Variants in OPCML observed in about 807,000 individuals in gnomAD.
The protein encoded by OPCML is opioid binding protein/cell adhesion molecule like, also known as opioid-binding protein/cell adhesion molecule.
OPCML carries 13 observed loss-of-function variants against 37.8 expected under a neutral mutation model. The ratio of observed to expected loss-of-function variants is 0.34; its 90% CI spans 0.22 to 0.55. The LOEUF is 0.55. Ranked by LOEUF, OPCML falls within the 20% of genes least tolerant of loss-of-function variation. The pLI, the probability that OPCML is intolerant of heterozygous loss-of-function variation, is 0.91. For synonymous variants in OPCML, 176 were observed against 168.8 expected (o/e 1.04, Z -0.33); for missense variants, 341 against 435.6 (o/e 0.78, Z 1.93).
intron 2 of OPCML, among the ~76,000 whole-genome samples, chr11:132,795,540 C>A (rs1057492456): frequency 3.9e-5 from 6 of 152,212 alleles, no homozygotes; most frequent in African/African-American, 1.4e-4. Context: ...TATCATTTAA[C>A]TCCCCATTTG....
chr11:132,420,032 A>C lies in OPCML; in HGVS notation c.*161T>G. 3.5e-6 allele frequency: 1 copy of C among 285,312 alleles called. No homozygotes were observed. Among genetic ancestry groups the C allele is most frequent in the Non-Finnish European group, 7.0e-6 (1 of 143,492 alleles). 17.7% of individuals were successfully genotyped at this position (285,312 alleles called of 1,614,324 possible). A position where few individuals can be genotyped will look rare whatever the true frequency, so the allele number is the denominator to read the frequency against. On this transcript the variant is annotated 3_prime_UTR_variant, in exon 8 of 8. Transcript: ENST00000524381. ...CCCCAACCCCACTCATTCAAGCTGG[A>C]AATAAAAGCAAACAAACAAATAAAC...
At chr11:132,982,688 A>G (rs1210337044) in intron 1 of OPCML, among the ~76,000 whole-genome samples, 1 of 152,170 alleles carries the variant, frequency 6.6e-6, no homozygotes, top group African/African-American at 2.4e-5. Flanking sequence ...TCATCTCTAA[A>G]ACCGTGTTCA....
At chr11:132,469,759 AGT>A (rs1170435363) in intron 4 of OPCML, among the ~76,000 whole-genome samples, 3 of 56,070 alleles carry the variant, frequency 5.4e-5, no homozygotes, top group African/African-American at 7.6e-5. Context: ...GAGGGGTGTG[AGT>A]GTGTGTGTAT....
chr11:133,481,224 G>A (rs538196196), intron 1 of OPCML, among the ~76,000 whole-genome samples: 32 of 152,184 alleles, frequency 2.1e-4, no homozygotes, highest in African/African-American at 7.0e-4. Context: ...AAAAGTACAC[G>A]AGGCTGCCTC....
intron 2 of OPCML, among the ~76,000 whole-genome samples, chr11:132,931,881 C>T (rs1945215298): frequency 6.6e-6 from 1 of 152,134 alleles, no homozygotes; most frequent in Admixed American, 6.5e-5. Context: ...AAGCATCAAT[C>T]AAAGGATGAA....
intron 1 of OPCML, among the ~76,000 whole-genome samples, chr11:133,247,589 G>GTCTTTCTT (rs1267279445): frequency 4.3e-5 from 1 of 23,340 alleles, no homozygotes; most frequent in African/African-American, 2.2e-4. Flanking sequence ...TCTTTCATCT[G>GTCTTTCTT]TCTTTCTTTC....
chr11:132,437,031 A>G (rs2096015445), intron 5 of OPCML, 191 bp downstream of exon 5: 1 of 852,476 alleles, frequency 1.2e-6, no homozygotes, highest in Admixed American at 6.2e-5. Flanking sequence ...TTTGCTGAAA[A>G]CTCTGGCAGT....
chr11:132,537,124 A>C lies in OPCML; in HGVS notation c.380-7938T>G, dbSNP rs142614704. ...ACACCACCAGCAGCAACAACAAAAT[A>C]GTTCATGTTTATTTCTTGAAGCCTA... On this transcript the variant is annotated intron_variant, in intron 3 of 7. Transcript: ENST00000524381. 2.0e-3 allele frequency among the ~76,000 whole-genome samples: 301 copies of C among 152,348 alleles called. 2 individuals are homozygous for C. Among genetic ancestry groups the C allele is most frequent in the African/African-American group, 6.8e-3 (283 of 41,584 alleles).
chr11:133,515,405 C>T lies in OPCML; in HGVS notation c.61+16859G>A, dbSNP rs114225234. On this transcript the variant is annotated intron_variant, in intron 1 of 7. Transcript: ENST00000524381. Reference sequence around the variant, plus strand: ...AAAAGGTGCCACTGGCATCTGGTGGCTGGAGGCCAGGGATGTTGCTAAACA... The same window carrying T: ...AAAAGGTGCCACTGGCATCTGGTGGTTGGAGGCCAGGGATGTTGCTAAACA... Among the ~76,000 whole-genome samples the T allele has an allele frequency of 2.5e-3, 383 of 152,302 alleles. 3 individuals are homozygous for T. Among genetic ancestry groups the T allele is most frequent in the African/African-American group, 9.0e-3 (372 of 41,560 alleles).
intron 2 of OPCML, among the ~76,000 whole-genome samples, chr11:132,681,560 ACATCGG>A (rs913539788): frequency 2.0e-5 from 3 of 152,030 alleles, no homozygotes; most frequent in Non-Finnish European, 2.9e-5. Context: ...AGCCTCTTTC[ACATCGG>A]CAATAAAATC....
intron 3 of OPCML, among the ~76,000 whole-genome samples, chr11:132,630,985 T>C (rs983034728): frequency 6.6e-6 from 1 of 151,712 alleles, no homozygotes; most frequent in Non-Finnish European, 1.5e-5. Flanking sequence ...AGAAGAAAAA[T>C]TCAGAAGCAT....
chr11:132,828,508 ACTCT>A (rs1940497915), intron 2 of OPCML, among the ~76,000 whole-genome samples: 1 of 151,724 alleles, frequency 6.6e-6, no homozygotes, highest in South Asian at 2.1e-4. Context: ...ATAAGTAAGA[ACTCT>A]CTCTATTTTC....
intron 2 of OPCML, among the ~76,000 whole-genome samples, chr11:132,681,797 T>C (rs1942955386): frequency 6.6e-6 from 1 of 151,650 alleles, no homozygotes; most frequent in South Asian, 2.1e-4. Context: ...CTACTAAAAA[T>C]ACAAAAAAAT....
At chr11:133,479,391 T>G (rs1013292782) in intron 1 of OPCML, among the ~76,000 whole-genome samples, 5 of 152,150 alleles carry the variant, frequency 3.3e-5, no homozygotes, top group South Asian at 2.1e-4. Context: ...ATTCTTGGGG[T>G]GGGCTCAGCC....
At chr11:132,778,233 CT>C (rs1946874897) in intron 2 of OPCML, among the ~76,000 whole-genome samples, 2 of 152,218 alleles carry the variant, frequency 1.3e-5, no homozygotes, top group Non-Finnish European at 1.5e-5. Flanking sequence ...CTCCTAAAAA[CT>C]TACAATTTCC....
At chr11:132,923,181 A>C (rs1395216416) in intron 2 of OPCML, among the ~76,000 whole-genome samples, 2 of 152,074 alleles carry the variant, frequency 1.3e-5, no homozygotes, top group Non-Finnish European at 2.9e-5. Flanking sequence ...ATGAGAAGAG[A>C]ACTAGTTCAT....
chr11:133,422,765 A>G (rs1945919001), intron 1 of OPCML: 1 of 916,998 alleles, frequency 1.1e-6, no homozygotes, highest in Admixed American at 6.2e-5. Flanking sequence ...TGTATTAATA[A>G]TAAAGTATTT....
At chr11:132,797,874 C>A (rs1334378884) in intron 2 of OPCML, among the ~76,000 whole-genome samples, 1 of 152,010 alleles carries the variant, frequency 6.6e-6, no homozygotes, top group African/African-American at 2.4e-5. Flanking sequence ...GTGGTGGTTG[C>A]TGAAGGTTGG....
intron 1 of OPCML, among the ~76,000 whole-genome samples, chr11:133,462,385 C>T (rs1946878685): frequency 6.6e-6 from 1 of 152,044 alleles, no homozygotes; most frequent in African/African-American, 2.4e-5. Flanking sequence ...AGACCAGTAT[C>T]ATCAGAGTGA....
Sources: gnomAD v4.1 joint callset for allele counts (sites outside exome capture counted in the v4.1 genomes callset) on GRCh38, gnomAD v4.1.1 for gene constraint, MANE v1.5 for transcripts, NCBI Gene and HGNC (gene_info 2026-07-23, HGNC 2026-07-21) for gene names.